Variants in KIRREL3 observed in about 807,000 individuals in gnomAD.
KIRREL3 encodes kirre like nephrin family adhesion molecule 3.
KIRREL3 carries 36 observed loss-of-function variants against 89.7 expected under a neutral mutation model. The observed-to-expected ratio is 0.40, with a 90% confidence interval of 0.31 to 0.53. The LOEUF (loss-of-function observed/expected upper bound fraction) is 0.53, where lower values mean the gene tolerates loss of function less well. KIRREL3 is among the 20% of genes least tolerant of loss of function. The pLI is 0.49. For synonymous variants in KIRREL3, 445 were observed against 441.4 expected (o/e 1.01, Z -0.10); for missense variants, 864 against 1,056.6 (o/e 0.82, Z 2.53).
rs368486246 is a variant in KIRREL3, at chr11:126,535,439, C to A, written c.134-8752G>T. On this transcript the variant is annotated intron_variant, in intron 2 of 16. Transcript: ENST00000525144. The surrounding 1 kb of genome is among the most constrained non-coding windows in gnomAD (Gnocchi z 4.5). ...CTCTATGACTTGCACACCTGTGGCC[C>A]CATTCTGAGGTTGCCCCTCAATCCC... Among the ~76,000 whole-genome samples, 54 of 152,274 alleles carry A rather than the reference C, an allele frequency of 3.5e-4. No homozygotes were observed. Among genetic ancestry groups the A allele is most frequent in the African/African-American group, 1.3e-3 (52 of 41,544 alleles).
At chr11:126,591,907 C>T (rs1395635242) in intron 1 of KIRREL3, among the ~76,000 whole-genome samples, 4 of 152,150 alleles carry the variant, frequency 2.6e-5, no homozygotes, top group African/African-American at 9.7e-5. Flanking sequence ...GTCAGCCTGC[C>T]TTTGGGCCCT....
chr11:126,497,939 G>A (rs1053515847), intron 4 of KIRREL3, among the ~76,000 whole-genome samples: 2 of 151,520 alleles, frequency 1.3e-5, no homozygotes, highest in Admixed American at 6.6e-5. Context: ...AGAGTTTGTG[G>A]GCCCCCGTGG....
intron 1 of KIRREL3, among the ~76,000 whole-genome samples, chr11:126,679,255 TG>T (rs1946342962): frequency 1.3e-5 from 2 of 152,214 alleles, no homozygotes; most frequent in Admixed American, 1.3e-4. Flanking sequence ...AGCCCAACCC[TG>T]GGGTCATCTA....
intron 7 of KIRREL3, among the ~76,000 whole-genome samples, chr11:126,450,057 C>T (rs949431118): frequency 6.6e-6 from 1 of 152,238 alleles, no homozygotes; most frequent in Non-Finnish European, 1.5e-5. Context: ...TTGGATCTGG[C>T]TCTGGGGCAG....
chr11:126,942,693 A>C (rs917223716), intron 1 of KIRREL3, among the ~76,000 whole-genome samples: 12 of 152,160 alleles, frequency 7.9e-5, no homozygotes, highest in African/African-American at 2.7e-4. Flanking sequence ...GTGTAATGCA[A>C]CCTCAGAGGT....
intron 1 of KIRREL3, among the ~76,000 whole-genome samples, chr11:126,741,705 G>C (rs1210811402): frequency 6.6e-6 from 1 of 152,218 alleles, no homozygotes; most frequent in African/African-American, 2.4e-5. Flanking sequence ...AAGTGGAGAG[G>C]ATGTGAAAAA....
chr11:126,899,790 T>G (rs553870045), intron 1 of KIRREL3, among the ~76,000 whole-genome samples: 4 of 152,240 alleles, frequency 2.6e-5, no homozygotes, highest in Non-Finnish European at 5.9e-5. Context: ...CTGTAACAAC[T>G]GGGTACACCA....
intron 6 of KIRREL3, among the ~76,000 whole-genome samples, chr11:126,457,612 A>G (rs1311022808): frequency 6.6e-6 from 1 of 152,126 alleles, no homozygotes; most frequent in Non-Finnish European, 1.5e-5. Flanking sequence ...ACACACACAT[A>G]GAAATTGAGA....
rs753231797 is a variant in KIRREL3, at chr11:126,456,473, C to T, written c.743-19G>A. ...GGAGGGTCTGCAGGGAGAGGAGAGT[C>T]ACTTGTAGACCGGAGAAAGAATGGG... On this transcript the variant is annotated intron_variant, in intron 6 of 16. Coordinates refer to ENST00000525144, the MANE Select transcript of KIRREL3 (RefSeq NM_032531.4). 1.3e-6 allele frequency: 2 copies of T among 1,489,044 alleles called. No homozygotes were observed. Among genetic ancestry groups the T allele is most frequent in the Non-Finnish European group, 1.8e-6 (2 of 1,090,626 alleles). 92.2% of individuals were successfully genotyped at this position (1,489,044 alleles called of 1,614,324 possible).
chr11:126,505,721 A>T (rs938336678), intron 4 of KIRREL3, among the ~76,000 whole-genome samples: 21 of 152,254 alleles, frequency 1.4e-4, no homozygotes, highest in African/African-American at 5.1e-4. Context: ...CATCAAAAAT[A>T]ATAAAATGCT....
chr11:126,902,041 C>T (rs943238645), intron 1 of KIRREL3, among the ~76,000 whole-genome samples: 3 of 152,140 alleles, frequency 2.0e-5, no homozygotes, highest in Admixed American at 2.0e-4. Flanking sequence ...CTAACACCCC[C>T]TAGGTGTTAG....
At chr11:126,737,356 G>A (rs1051297363) in intron 1 of KIRREL3, among the ~76,000 whole-genome samples, 1 of 152,082 alleles carries the variant, frequency 6.6e-6, no homozygotes, top group African/African-American at 2.4e-5. Context: ...AAGGCACAGT[G>A]GGCAGGGAGA....
Position 126,710,188 on chromosome 11 carries a change from C to A in KIRREL3, c.56-147276G>T, listed in dbSNP as rs989383564. Among the ~76,000 whole-genome samples the A allele has an allele frequency of 1.3e-5, 2 of 152,170 alleles. No homozygotes were observed. The highest frequency in any genetic ancestry group is 4.8e-5 in the African/African-American group (2 of 41,446). On this transcript the variant is annotated intron_variant, in intron 1 of 16. Transcript: ENST00000525144. The surrounding 1 kb of genome is among the most constrained non-coding windows in gnomAD (Gnocchi z 4.2). ...CAGTAGATGGGCTGGCATCAGTGGA[C>A]CCCAGATCTGTCCACAGGCAGCAGG...
rs956695002 is a variant in KIRREL3 at position 126,471,302 on chromosome 11, G to A, written c.591+2007C>T. Among the ~76,000 whole-genome samples, 1 of 152,080 alleles carries A rather than the reference G, an allele frequency of 6.6e-6. No individual in the cohort carries two copies. The highest frequency in any genetic ancestry group is 2.1e-4 in the South Asian group (1 of 4,832). ...GGAGAATCACTTGAGCCCAGGAGGT[G>A]GAGGTTGCGGTGAGCTGAGATCACG... On this transcript the variant is annotated intron_variant, in intron 5 of 16. Transcript: ENST00000525144. The surrounding 1 kb of genome is among the most constrained non-coding windows in gnomAD (Gnocchi z 5.4).
rs143312515 is a variant in KIRREL3, at chr11:126,455,809, G to C, written c.848+540C>G. Among the ~76,000 whole-genome samples the C allele has an allele frequency of 6.1e-3, 923 of 151,806 alleles. 2 individuals are homozygous for C. The highest frequency in any genetic ancestry group is 0.011 in the Non-Finnish European group (737 of 67,948). ...GAGACTCTGTCTCAAAACAAACAAAGAAACAAACAAACAAACAAACCAACA... is the reference window on the plus strand; with the variant it reads ...GAGACTCTGTCTCAAAACAAACAAACAAACAAACAAACAAACAAACCAACA... On this transcript the variant is annotated intron_variant, in intron 7 of 16. Coordinates refer to ENST00000525144, the MANE Select transcript of KIRREL3 (RefSeq NM_032531.4). The surrounding 1 kb of genome is among the most constrained non-coding windows in gnomAD (Gnocchi z 6.4).
chr11:126,849,484 A>G (rs1412826441), intron 1 of KIRREL3, among the ~76,000 whole-genome samples: 1 of 152,158 alleles, frequency 6.6e-6, no homozygotes, highest in Non-Finnish European at 1.5e-5. Flanking sequence ...GAGATCCAAG[A>G]ACCCTCTCTG....
At chr11:126,864,854 A>G (rs773625388) in intron 1 of KIRREL3, among the ~76,000 whole-genome samples, 21 of 152,190 alleles carry the variant, frequency 1.4e-4, no homozygotes, top group Non-Finnish European at 2.4e-4. Flanking sequence ...TCCATCATGC[A>G]TATACCACAC....
At position 126,987,908 on chromosome 11, in the gene KIRREL3, T is replaced by G. The variant is rs995012725; in HGVS notation, c.55+12547A>C. On this transcript the variant is annotated intron_variant, in intron 1 of 16. Coordinates refer to ENST00000525144, the MANE Select transcript of KIRREL3 (RefSeq NM_032531.4). This position sits in a 1 kb window ranked among gnomAD's most constrained non-coding sequence, Gnocchi z 4.6. ...AAATGATTTCTGACACAAGGTAAGTTGTACCAGCCGAGACCAAAGTGAAAA... is the reference window on the plus strand; with the variant it reads ...AAATGATTTCTGACACAAGGTAAGTGGTACCAGCCGAGACCAAAGTGAAAA... 1.3e-5 allele frequency among the ~76,000 whole-genome samples: 2 copies of G among 152,194 alleles called. No homozygotes were observed. The highest frequency in any genetic ancestry group is 4.8e-5 in the African/African-American group (2 of 41,454).
At position 126,640,790 on chromosome 11, in the gene KIRREL3, T is replaced by C. The variant is rs1218195006; in HGVS notation, c.56-77878A>G. Among the ~76,000 whole-genome samples the C allele has an allele frequency of 1.3e-5, 2 of 152,172 alleles. No homozygotes were observed. The highest frequency in any genetic ancestry group is 2.9e-5 in the Non-Finnish European group (2 of 68,040). On this transcript the variant is annotated intron_variant, in intron 1 of 16. Coordinates refer to ENST00000525144, the MANE Select transcript of KIRREL3 (RefSeq NM_032531.4). This position sits in a 1 kb window ranked among gnomAD's most constrained non-coding sequence, Gnocchi z 4.9. Reference sequence around the variant, plus strand: ...TGCATGAAAGAATATTCCTGGGTTCTCCATTCTAGTCATTTCCCTCCTACG... The same window carrying C: ...TGCATGAAAGAATATTCCTGGGTTCCCCATTCTAGTCATTTCCCTCCTACG...
Sources: allele counts gnomAD v4.1 joint callset (sites outside exome capture counted in the v4.1 genomes callset), GRCh38; gene constraint gnomAD v4.1.1; non-coding constraint Gnocchi (gnomAD v3.1); transcripts MANE v1.5; gene names NCBI Gene and HGNC (gene_info 2026-07-23, HGNC 2026-07-21).